The following SERPINB8 variants were observed in gnomAD, a reference collection of about 807,000 sequenced individuals.
The protein encoded by SERPINB8 is serpin family B member 8.
A neutral mutation model predicts 35.3 loss-of-function variants in SERPINB8; 25 were observed. That is an observed-to-expected ratio of 0.71 (90% confidence interval 0.52 to 0.99). SERPINB8 has a LOEUF of 0.99. SERPINB8 is among the 50% of genes least tolerant of loss of function. The pLI, the probability that SERPINB8 is intolerant of heterozygous loss-of-function variation, is 0.00. For missense variants in SERPINB8, 484 were observed against 446.5 expected, an observed-to-expected ratio of 1.08 and a Z score of -0.76; for synonymous variants, 186 against 160.8, an observed-to-expected ratio of 1.16 and a Z score of -1.19.
At chr18:64,003,941 T>C (rs1322393635) in intron 1 of SERPINB8, among the ~76,000 whole-genome samples, 3 of 152,216 alleles carry the variant, frequency 2.0e-5, no homozygotes, top group African/African-American at 4.8e-5. Flanking sequence ...CTGGGCATCC[T>C]GTGGCCCAGA....
intron 1 of SERPINB8, among the ~76,000 whole-genome samples, chr18:63,973,899 G>A (rs1398426099): frequency 1.3e-5 from 2 of 152,158 alleles, no homozygotes; most frequent in Non-Finnish European, 2.9e-5. Flanking sequence ...GCCTTGTAGT[G>A]TAGTTTGAAG....
Position 63,979,909 on chromosome 18 carries a change from T to G in SERPINB8, c.277T>G (p.Phe93Val). Residue 93 changes from phenylalanine (F) to valine (V), a missense_variant, in exon 3 of 7, where the codon TTT becomes GTT. Transcript: ENST00000397985. ...CTTGCTTAGAACTGCCAACAGACTC[T>G]TTGGAGAAAAGACGTGTGATTTCCT... is the stretch of plus-strand genomic sequence containing the variant. ...QYLLRTANRL[F>V]GEKTCDFLPD... 1.9e-6 allele frequency: 3 copies of G among 1,614,134 alleles called. No individual in the cohort carries two copies. The South Asian group carries it at 3.3e-5, about 18-fold the overall frequency.
chr18:63,976,690 G>T (rs544823021), intron 1 of SERPINB8, among the ~76,000 whole-genome samples: 15 of 152,318 alleles, frequency 9.8e-5, no homozygotes, highest in African/African-American at 3.4e-4. Context: ...TCAAGTTTAG[G>T]TTGTCTAAAG....
intron 6 of SERPINB8, among the ~76,000 whole-genome samples, chr18:63,985,881 G>A (rs72945629): frequency 6.6e-6 from 1 of 152,156 alleles, no homozygotes; most frequent in South Asian, 2.1e-4. Context: ...AGCTCTGGGA[G>A]GTGGGAGAAG....
intron 1 of SERPINB8, among the ~76,000 whole-genome samples, chr18:63,997,474 A>ACTCAGAT (rs2050855584): frequency 6.6e-6 from 1 of 152,180 alleles, no homozygotes; most frequent in Admixed American, 6.5e-5. Flanking sequence ...GCCAATGGGA[A>ACTCAGAT]CTCAGATACA....
chr18:64,017,647 T>C (rs904473548), intron 7 of SERPINB8, among the ~76,000 whole-genome samples: 50 of 152,180 alleles, frequency 3.3e-4, no homozygotes, highest in Admixed American at 1.3e-4. Flanking sequence ...TTTGAGATAA[T>C]GGACCCCAAA....
Position 63,987,703 on chromosome 18 carries a change from C to G in SERPINB8, c.*425C>G, listed in dbSNP as rs114100340. On this transcript the variant is annotated 3_prime_UTR_variant, in exon 7 of 7. Transcript: ENST00000397985. ...CAAGGGCAAACCCTATAGAGTAAAG[C>G]TGCAGCCACCCTGTGTCTCATGTGC... 660 of 161,318 alleles carry G rather than the reference C, an allele frequency of 4.1e-3. 5 individuals are homozygous for G. The highest frequency in any genetic ancestry group is 0.015 in the African/African-American group (616 of 41,764). 10.0% of individuals were successfully genotyped at this position (161,318 alleles called of 1,614,324 possible). A position where few individuals can be genotyped will look rare whatever the true frequency, so the allele number is the denominator to read the frequency against.
At chr18:63,970,328 C>A (rs2050445733) in intron 1 of SERPINB8, 158 bp downstream of exon 1, 2 of 172,136 alleles carry the variant, frequency 1.2e-5, no homozygotes, top group Non-Finnish European at 2.5e-5. Flanking sequence ...AGGAGAATGA[C>A]GGCGGGAGGC....
chr18:64,016,267 C>T (rs1271958987), intron 7 of SERPINB8, among the ~76,000 whole-genome samples: 1 of 152,188 alleles, frequency 6.6e-6, no homozygotes, highest in Non-Finnish European at 1.5e-5. Flanking sequence ...AGCTTTCTAG[C>T]TATCTCTACT....
chr18:63,983,614 G>A lies in SERPINB8; in HGVS notation c.460G>A (p.Asp154Asn), dbSNP rs549578248. ...AGAGGTACTGGATGCTGGGACAGTC[G>A]ATCCCCTGACAAAGCTGGTCCTTGT... ...ISEVLDAGTV[D>N]PLTKLVLVNA... is the part of the protein sequence containing the mutation. The change falls in exon 5 of 7, where the codon GAT becomes AAT. Residue 154 changes from aspartate (D) to asparagine (N), a missense_variant. Transcript: ENST00000397985. The A allele has an allele frequency of 6.8e-6, 11 of 1,613,830 alleles. No homozygotes were observed. The highest frequency in any genetic ancestry group is 1.6e-4 in the Middle Eastern group (1 of 6,062).
chr18:64,010,616 A>G (rs1266527313), downstream of SERPINB8, among the ~76,000 whole-genome samples: 1 of 152,150 alleles, frequency 6.6e-6, no homozygotes, highest in Non-Finnish European at 1.5e-5. Flanking sequence ...GGGAGGTTGT[A>G]CAGCTTTGGA....
chr18:64,013,171 T>C (rs1490856113), intron 7 of SERPINB8, among the ~76,000 whole-genome samples: 2 of 152,148 alleles, frequency 1.3e-5, no homozygotes, highest in African/African-American at 4.8e-5. Context: ...ATTGTGGTTC[T>C]GTCTCTTTCT....
At chr18:64,008,667 A>G (rs1039366937), downstream of SERPINB8, among the ~76,000 whole-genome samples, 4 of 152,182 alleles carry the variant, frequency 2.6e-5, no homozygotes, top group African/African-American at 4.8e-5. Flanking sequence ...GGACTGCATC[A>G]CAAATAATAG....
exon 2 of SERPINB8, chr18:64,004,976 G>A: frequency 5.0e-6 from 2 of 397,118 alleles, no homozygotes; most frequent in Non-Finnish European, 8.9e-6. Context: ...TAAAAGACAA[G>A]CACTGTGGAA....
At chr18:64,002,821 G>A (rs1016573220) in intron 1 of SERPINB8, among the ~76,000 whole-genome samples, 1 of 152,142 alleles carries the variant, frequency 6.6e-6, no homozygotes. Flanking sequence ...GTGCCGACTC[G>A]TGCCCCACCG....
At chr18:64,017,600 C>T (rs185869809) in intron 7 of SERPINB8, among the ~76,000 whole-genome samples, 50 of 152,226 alleles carry the variant, frequency 3.3e-4, no homozygotes, top group African/African-American at 1.2e-3. Flanking sequence ...ATATCACCCT[C>T]CATTTTATAT....
intron 1 of SERPINB8, among the ~76,000 whole-genome samples, chr18:63,977,823 C>T (rs1406572819): frequency 1.3e-5 from 2 of 152,202 alleles, no homozygotes; most frequent in Non-Finnish European, 2.9e-5. Context: ...AAATGACACA[C>T]ATTTATTATC....
Position 63,985,108 on chromosome 18 carries a change from C to T in SERPINB8, c.583C>T (p.Gln195Ter), listed in dbSNP as rs763007117. 1.2e-6 allele frequency: 2 copies of T among 1,614,062 alleles called. No homozygotes were observed. Among genetic ancestry groups the T allele is most frequent in the Admixed American group, 3.3e-5 (2 of 60,002 alleles). Residue 195 changes from glutamine (Q) to a stop codon, truncating the protein, a stop_gained, in exon 6 of 7, where the codon CAG (glutamine) becomes TAG (stop). Coordinates refer to ENST00000397985, the MANE Select transcript of SERPINB8 (RefSeq NM_002640.4). LOFTEE classifies it high-confidence loss of function. The stretch of plus-strand genomic sequence containing the variant: ...TTTCCGTTAGGAAAAAAAGACAGTG[C>T]AGATGATGTTTAAGGAAGCTAAGTT... Reference protein sequence around the residue: ...FKTNEEKKTVQMMFKEAKFKM... With the variant: ...FKTNEEKKTV
At chr18:63,986,604 G>T in intron 6 of SERPINB8, 1 of 1,311,670 alleles carries the variant, frequency 7.6e-7, no homozygotes, top group Non-Finnish European at 9.7e-7. Context: ...TTTAACATTT[G>T]AAAGGAGTTA....
Sources: gnomAD v4.1 joint callset for allele counts (sites outside exome capture counted in the v4.1 genomes callset) on GRCh38, gnomAD v4.1.1 for gene constraint, MANE v1.5 for transcripts, NCBI Gene and HGNC (gene_info 2026-07-23, HGNC 2026-07-21) for gene names.